The following NHSL1 variants were observed in gnomAD, a reference collection of about 807,000 sequenced individuals.
NHSL1 encodes the protein NHS-like protein 1.
A neutral mutation model predicts 95.0 loss-of-function variants in NHSL1; 48 were observed. The ratio of observed to expected loss-of-function variants is 0.51; its 90% confidence interval spans 0.40 to 0.64. NHSL1 has a LOEUF of 0.64. NHSL1 is among the 30% of genes least tolerant of loss of function. The probability of loss-of-function intolerance (pLI) is 0.00; values close to 1 mark genes in which losing one functional copy is unlikely to be tolerated. For synonymous variants in NHSL1, 783 were observed against 833.9 expected, an observed-to-expected ratio of 0.94 and a Z score of 1.05; for missense variants, 1,971 against 2,077.7, an observed-to-expected ratio of 0.95 and a Z score of 1.00.
At chr6:138,534,483 A>T (rs74609844) in intron 1 of NHSL1, among the ~76,000 whole-genome samples, 4,630 of 152,264 alleles carry the variant, frequency 0.03, 107 homozygotes, top group Non-Finnish European at 0.046. Context: ...AATACCCTGT[A>T]TTTACCAGCA....
At chr6:138,681,289 G>T (rs2114785141) in intron 1 of NHSL1, among the ~76,000 whole-genome samples, 1 of 152,322 alleles carries the variant, frequency 6.6e-6, no homozygotes, top group Non-Finnish European at 1.5e-5. Context: ...AGTAAACGTG[G>T]TTATCTGGAG....
At chr6:138,488,295 A>G (rs533688177) in intron 2 of NHSL1, among the ~76,000 whole-genome samples, 41 of 152,212 alleles carry the variant, frequency 2.7e-4, no homozygotes, top group Non-Finnish European at 1.9e-4. Flanking sequence ...AAAAAATCAG[A>G]ATACCTTAGC....
intron 3 of NHSL1, among the ~76,000 whole-genome samples, chr6:138,455,808 CA>C (rs746192075): frequency 6.6e-5 from 10 of 152,184 alleles, no homozygotes; most frequent in Non-Finnish European, 1.3e-4. Flanking sequence ...AAAGCCATGA[CA>C]ATCAGAAATT....
intron 1 of NHSL1, among the ~76,000 whole-genome samples, chr6:138,647,024 G>A (rs1785028900): frequency 6.6e-6 from 1 of 152,148 alleles, no homozygotes; most frequent in Non-Finnish European, 1.5e-5. Context: ...ACAAACATCC[G>A]TGATGGAGAG....
At chr6:138,621,281 T>C (rs1441037391) in intron 1 of NHSL1, among the ~76,000 whole-genome samples, 2 of 152,170 alleles carry the variant, frequency 1.3e-5, no homozygotes, top group African/African-American at 4.8e-5. Context: ...TCCAATTTAG[T>C]TCCATGGGAA....
At chr6:138,490,503 C>T (rs1428981444) in intron 2 of NHSL1, among the ~76,000 whole-genome samples, 1 of 152,176 alleles carries the variant, frequency 6.6e-6, no homozygotes, top group Admixed American at 6.5e-5. Context: ...TTGTCTACAC[C>T]AAAAGGGAGC....
chr6:138,643,714 A>G lies in NHSL1; in HGVS notation c.96+48762T>C, dbSNP rs997924758. On this transcript the variant is annotated intron_variant, in intron 1 of 3. Coordinates refer to the NHSL1 transcript ENST00000491526. The stretch of plus-strand genomic sequence containing the variant: ...TTGGAGGATTTACACTTTCAATAAA[A>G]GTTAAGCAGCTTGGTGGCTCATGCC... Among the ~76,000 whole-genome samples, 4 of 152,232 alleles carry G rather than the reference A, an allele frequency of 2.6e-5. No homozygotes were observed. In the South Asian group the frequency reaches 8.3e-4, roughly 31 times the overall value.
intron 5 of NHSL1, among the ~76,000 whole-genome samples, chr6:138,437,776 T>C (rs1374521445): frequency 6.6e-6 from 1 of 152,144 alleles, no homozygotes; most frequent in Non-Finnish European, 1.5e-5. Context: ...CTCTCGTAGA[T>C]AACTTTTGAG....
At chr6:138,616,113 T>C (rs1051735087) in intron 1 of NHSL1, among the ~76,000 whole-genome samples, 1 of 152,194 alleles carries the variant, frequency 6.6e-6, no homozygotes, top group Non-Finnish European at 1.5e-5. Flanking sequence ...AAATAATAAA[T>C]CTATTCTGAT....
upstream of NHSL1, among the ~76,000 whole-genome samples, chr6:138,575,222 GA>G (rs1450434047): frequency 1.3e-5 from 2 of 152,122 alleles, no homozygotes; most frequent in Admixed American, 1.3e-4. Flanking sequence ...TTATTTACCA[GA>G]AGTGCTGTTG....
chr6:138,495,851 C>T (rs75616439), intron 2 of NHSL1, among the ~76,000 whole-genome samples: 7,049 of 152,234 alleles, frequency 0.046, 189 homozygotes, highest in Middle Eastern at 0.071. Flanking sequence ...TCTTATATGG[C>T]GGCAGACAAG....
At chr6:138,435,975 A>T (rs901679089) in intron 5 of NHSL1, among the ~76,000 whole-genome samples, 22 of 152,148 alleles carry the variant, frequency 1.4e-4, no homozygotes, top group Non-Finnish European at 2.9e-5. Context: ...AAGATAGCAA[A>T]TATAATTGAT....
At chr6:138,608,790 T>C (rs1378835997) in intron 1 of NHSL1, among the ~76,000 whole-genome samples, 3 of 152,204 alleles carry the variant, frequency 2.0e-5, no homozygotes, top group Non-Finnish European at 4.4e-5. Flanking sequence ...ACTGTGCCAG[T>C]TATATCATAA....
At chr6:138,673,002 G>C (rs1022089572) in intron 1 of NHSL1, among the ~76,000 whole-genome samples, 4 of 149,092 alleles carry the variant, frequency 2.7e-5, no homozygotes, top group African/African-American at 9.9e-5. Context: ...GGGAGAGCAA[G>C]ACTGTCTCAT....
intron 1 of NHSL1, among the ~76,000 whole-genome samples, chr6:138,522,634 T>G (rs949577523): frequency 8.6e-5 from 13 of 152,032 alleles, no homozygotes; most frequent in Non-Finnish European, 1.8e-4. Flanking sequence ...AGAGTGAAAC[T>G]CCATCTCAAA....
chr6:138,552,721 C>T (rs960792624), intron 1 of NHSL1, among the ~76,000 whole-genome samples: 2 of 152,084 alleles, frequency 1.3e-5, no homozygotes, highest in Non-Finnish European at 2.9e-5. Flanking sequence ...CTTAGATAAC[C>T]TTCCAGCCTC....
At chr6:138,520,471 G>A (rs1781633780) in intron 1 of NHSL1, among the ~76,000 whole-genome samples, 1 of 151,748 alleles carries the variant, frequency 6.6e-6, no homozygotes, top group African/African-American at 2.4e-5. Flanking sequence ...TGTATTTTTA[G>A]TAGAGATGGG....
intron 1 of NHSL1, among the ~76,000 whole-genome samples, chr6:138,509,916 T>G (rs1013220073): frequency 6.6e-6 from 1 of 152,054 alleles, no homozygotes; most frequent in African/African-American, 2.4e-5. Context: ...AGAAAAAAAT[T>G]TACATCAATT....
chr6:138,503,372 T>C (rs1780788874), upstream of NHSL1, among the ~76,000 whole-genome samples: 1 of 152,230 alleles, frequency 6.6e-6, no homozygotes, highest in African/African-American at 2.4e-5. Flanking sequence ...TGAATGGTTT[T>C]GTTAGTATAG....
Sources: allele counts gnomAD v4.1 joint callset (sites outside exome capture counted in the v4.1 genomes callset), GRCh38; gene constraint gnomAD v4.1.1; transcripts MANE v1.5; gene names NCBI Gene and HGNC (gene_info 2026-07-23, HGNC 2026-07-21).